Variants in BCAS3 observed in about 807,000 individuals in gnomAD.
BCAS3 encodes the protein BCAS3 microtubule associated cell migration factor.
In BCAS3, 53 loss-of-function variants were observed where a neutral mutation model predicts 116.1. That is an observed-to-expected ratio of 0.46 (90% CI 0.37 to 0.57). BCAS3 has a LOEUF of 0.57. Among genes scored for constraint, BCAS3 ranks in the 20% least tolerant of loss-of-function variants. BCAS3 has a pLI of 0.00. For synonymous variants in BCAS3, 391 were observed against 408.2 expected, an observed-to-expected ratio of 0.96 and a Z score of 0.51; for missense variants, 917 against 1,165.4, an observed-to-expected ratio of 0.79 and a Z score of 3.10.
At chr17:61,283,976 AGTTGTATCTTTG>A (rs1296982409) in intron 22 of BCAS3, among the ~76,000 whole-genome samples, 2 of 152,186 alleles carry the variant, frequency 1.3e-5, no homozygotes, top group East Asian at 3.9e-4. Flanking sequence ...GGGCAGCTTT[AGTTGTATCTTTG>A]GTATTACGAT....
At position 61,106,288 on chromosome 17, in the gene BCAS3, G is replaced by A. The variant is rs970037022; in HGVS notation, c.2425+21724G>A. 2.6e-5 allele frequency among the ~76,000 whole-genome samples: 4 copies of A among 152,084 alleles called. No individual in the cohort carries two copies. The highest frequency in any genetic ancestry group is 2.1e-4 in the South Asian group (1 of 4,824). On this transcript the variant is annotated intron_variant, in intron 22 of 23. Transcript: ENST00000407086. The surrounding 1 kb of genome is among the most constrained non-coding windows in gnomAD (Gnocchi z 4.2). ...AGTCAACAGTGGACCTTATATGCTC[G>A]TGCAACAGTGTTCCAGTAAAATTAT...
At chr17:61,089,627 T>G (rs2073378880) in intron 22 of BCAS3, among the ~76,000 whole-genome samples, 1 of 147,260 alleles carries the variant, frequency 6.8e-6, no homozygotes, top group Non-Finnish European at 1.5e-5. Flanking sequence ...CCTCCTGGGT[T>G]CAAGCCATTC....
chr17:61,246,572 C>T (rs1397697468), intron 22 of BCAS3, among the ~76,000 whole-genome samples: 2 of 151,452 alleles, frequency 1.3e-5, no homozygotes, highest in Non-Finnish European at 2.9e-5. Flanking sequence ...AATGTAGGAG[C>T]CTTGGTGTTA....
chr17:60,832,165 G>T (rs1205349767), intron 7 of BCAS3, among the ~76,000 whole-genome samples: 1 of 152,122 alleles, frequency 6.6e-6, no homozygotes, highest in African/African-American at 2.4e-5. Flanking sequence ...ATTAGAAGAG[G>T]AACAAACTCT....
At chr17:60,749,003 A>G (rs1254571761) in intron 6 of BCAS3, 1 of 151,808 alleles carries the variant, frequency 6.6e-6, no homozygotes, top group Non-Finnish European at 1.5e-5. Context: ...TTCCATCAGT[A>G]ACTGACTGTA....
chr17:61,294,960 A>G (rs2052754730), intron 22 of BCAS3, among the ~76,000 whole-genome samples: 1 of 152,202 alleles, frequency 6.6e-6, no homozygotes, highest in African/African-American at 2.4e-5. Flanking sequence ...TTAGTAATTC[A>G]GGAAACAAAG....
At chr17:61,165,066 C>A (rs2078406787) in intron 22 of BCAS3, among the ~76,000 whole-genome samples, 1 of 152,238 alleles carries the variant, frequency 6.6e-6, no homozygotes, top group African/African-American at 2.4e-5. Flanking sequence ...CTTGACAGGC[C>A]TGCCTGGGAG....
rs1197640725 is a variant in BCAS3, at chr17:61,325,229, C to T, written c.2426-43098C>T. Among the ~76,000 whole-genome samples, 1 of 152,192 alleles carries T rather than the reference C, an allele frequency of 6.6e-6. No homozygotes were observed. Among genetic ancestry groups the T allele is most frequent in the East Asian group, 1.9e-4 (1 of 5,192 alleles). ...AACTTACATTATGAAGTGACAGAAT[C>T]GCACTTGTGTGGCTGATAGAGACCA... On this transcript the variant is annotated intron_variant, in intron 22 of 23. Transcript: ENST00000407086. This position sits in a 1 kb window ranked among gnomAD's most constrained non-coding sequence, Gnocchi z 6.4.
At position 60,763,286 on chromosome 17, in the gene BCAS3, G is replaced by T. The variant is rs916301102; in HGVS notation, c.403+16007G>T. On this transcript the variant is annotated intron_variant, in intron 6 of 23. Transcript: ENST00000407086. Reference sequence around the variant, plus strand: ...CCTGTCTTGTGCCAGTTTTCAAAGGGAATGCTTCCAGTTTTTGCCCATTCA... The same window carrying T: ...CCTGTCTTGTGCCAGTTTTCAAAGGTAATGCTTCCAGTTTTTGCCCATTCA... Among the ~76,000 whole-genome samples the T allele has an allele frequency of 1.1e-4, 16 of 152,300 alleles. 1 individual carries two copies. Among genetic ancestry groups the T allele is most frequent in the African/African-American group, 3.8e-4 (16 of 41,566 alleles).
At chr17:60,979,506 G>T (rs1209134335) in intron 14 of BCAS3, among the ~76,000 whole-genome samples, 4 of 148,538 alleles carry the variant, frequency 2.7e-5, no homozygotes, top group Non-Finnish European at 5.9e-5. Flanking sequence ...TTGCCTAATT[G>T]CCCTGGCCAG....
chr17:60,873,749 C>T (rs1022770078), intron 8 of BCAS3, among the ~76,000 whole-genome samples: 14 of 152,144 alleles, frequency 9.2e-5, no homozygotes, highest in African/African-American at 2.4e-4. Context: ...GAAATTCATC[C>T]GCCATTTAAA....
In BCAS3 at chr17:61,392,176, G is replaced by A; in HGVS notation, c.*51G>A. 1 of 1,589,400 alleles carries A rather than the reference G, an allele frequency of 6.3e-7. No homozygotes were observed. ...CCAGCCCCCTCCCCTGCTGGAGGAG[G>A]GGAGAAGCCCCGCTCTGGTCCTACC... On this transcript the variant is annotated 3_prime_UTR_variant, in exon 24 of 24. Coordinates refer to ENST00000407086, the MANE Select transcript of BCAS3 (RefSeq NM_017679.5). The surrounding 1 kb of genome is among the most constrained non-coding windows in gnomAD (Gnocchi z 6.4).
intron 14 of BCAS3, among the ~76,000 whole-genome samples, chr17:60,977,816 A>G (rs1230289822): frequency 6.7e-6 from 1 of 149,402 alleles, no homozygotes; most frequent in East Asian, 2.0e-4. Context: ...CCATGTCCCT[A>G]CAAAGGACAT....
At chr17:61,193,903 G>A (rs1292710138) in intron 22 of BCAS3, among the ~76,000 whole-genome samples, 2 of 151,750 alleles carry the variant, frequency 1.3e-5, no homozygotes, top group Admixed American at 1.3e-4. Context: ...GATTGCTTGA[G>A]GTCAGGAGTT....
Position 60,964,373 on chromosome 17 carries a change from C to T in BCAS3, c.1221+17021C>T, listed in dbSNP as rs906283036. Among the ~76,000 whole-genome samples, 1 of 152,112 alleles carries T rather than the reference C, an allele frequency of 6.6e-6. No homozygotes were observed. The highest frequency in any genetic ancestry group is 6.6e-5 in the Admixed American group (1 of 15,260). ...CTTATGTTGAACCATCCTTGCATCC[C>T]TGGAATGAATCCCATTTGATATTAT... On this transcript the variant is annotated intron_variant, in intron 14 of 23. Coordinates refer to ENST00000407086, the MANE Select transcript of BCAS3 (RefSeq NM_017679.5). The surrounding 1 kb of genome is among the most constrained non-coding windows in gnomAD (Gnocchi z 4.6).
At position 61,279,832 on chromosome 17, in the gene BCAS3, C is replaced by T. The variant is rs1460386141; in HGVS notation, c.2426-88495C>T. ...CAAGCCAAGTTGGGCTTGGCTGCTGCAGGCTGATTGGATGACTGTGGCAGT... is the reference window on the plus strand; with the variant it reads ...CAAGCCAAGTTGGGCTTGGCTGCTGTAGGCTGATTGGATGACTGTGGCAGT... On this transcript the variant is annotated intron_variant, in intron 22 of 23. Transcript: ENST00000407086. This position sits in a 1 kb window ranked among gnomAD's most constrained non-coding sequence, Gnocchi z 4.4. 6.6e-6 allele frequency among the ~76,000 whole-genome samples: 1 copy of T among 151,622 alleles called. No individual in the cohort carries two copies. The highest frequency in any genetic ancestry group is 1.9e-4 in the East Asian group (1 of 5,164).
intron 22 of BCAS3, among the ~76,000 whole-genome samples, chr17:61,142,994 T>C (rs1318100497): frequency 2.0e-5 from 3 of 152,216 alleles, no homozygotes; most frequent in African/African-American, 7.2e-5. Context: ...ATTTGTTCCC[T>C]TTTAGAATCT....
chr17:60,745,849 T>G (rs1351985766), intron 5 of BCAS3, among the ~76,000 whole-genome samples: 1 of 152,138 alleles, frequency 6.6e-6, no homozygotes, highest in Non-Finnish European at 1.5e-5. Context: ...TGATAGTCAT[T>G]TAGGCGTTAT....
intron 22 of BCAS3, among the ~76,000 whole-genome samples, chr17:61,165,013 T>C (rs2078404252): frequency 6.6e-6 from 1 of 152,230 alleles, no homozygotes; most frequent in Admixed American, 6.5e-5. Context: ...GTGATGATCC[T>C]TAGTTGGTTC....
Sources: allele counts gnomAD v4.1 joint callset (sites outside exome capture counted in the v4.1 genomes callset), GRCh38; gene constraint gnomAD v4.1.1; non-coding constraint Gnocchi (gnomAD v3.1); transcripts MANE v1.5; gene names NCBI Gene and HGNC (gene_info 2026-07-23, HGNC 2026-07-21).